The following PXDNL variants were observed in gnomAD, a reference collection of about 807,000 sequenced individuals.
The protein encoded by PXDNL is peroxidasin like, also known as probable oxidoreductase PXDNL.
In PXDNL, 145 loss-of-function variants were observed where a neutral mutation model predicts 150.8. The ratio of observed to expected loss-of-function variants is 0.96; its 90% confidence interval spans 0.84 to 1.10. The LOEUF (loss-of-function observed/expected upper bound fraction) is 1.10. PXDNL is among the 50% of genes least tolerant of loss of function. PXDNL has a pLI of 0.00. For missense variants in PXDNL, 2,087 were observed against 1,873.9 expected (o/e 1.11, Z -2.10); for synonymous variants, 757 against 725.7 (o/e 1.04, Z -0.69).
At chr8:51,634,361 C>T (rs1351621504) in intron 2 of PXDNL, among the ~76,000 whole-genome samples, 1 of 152,008 alleles carries the variant, frequency 6.6e-6, no homozygotes, top group Admixed American at 6.6e-5. Flanking sequence ...GAATCAGTAC[C>T]ATGCTGTTTT....
intron 14 of PXDNL, 137 bp from the exon 15 acceptor site, chr8:51,413,395 T>C: frequency 9.9e-6 from 6 of 604,712 alleles, no homozygotes; most frequent in Middle Eastern, 2.7e-4. Flanking sequence ...TGTTATACAA[T>C]ATCTACATGA....
chr8:51,800,996 G>T (rs2037613031), intron 1 of PXDNL, among the ~76,000 whole-genome samples: 1 of 152,182 alleles, frequency 6.6e-6, no homozygotes, highest in Non-Finnish European at 1.5e-5. Flanking sequence ...ACAACCAAAG[G>T]TCTGACTGCC....
rs1388087139 is a variant in PXDNL at position 51,447,127 on chromosome 8, G to A, written c.1402C>T (p.Leu468Phe). The A allele has an allele frequency of 6.2e-7, 1 of 1,613,834 alleles. No individual in the cohort carries two copies. Among genetic ancestry groups the A allele is most frequent in the Non-Finnish European group, 8.5e-7 (1 of 1,179,884 alleles). The change falls in exon 12 of 23, where the codon CTC becomes TTC. Residue 468 changes from leucine to phenylalanine, a missense_variant. Coordinates refer to ENST00000356297, the MANE Select transcript of PXDNL (RefSeq NM_144651.5). ...QLPVEGQHTV[L>F]SSGTLRIDRA... ...TCAATTCTCAAAGTGCCAGAGGAGA[G>A]AACTGTATGCTGGCCTTCCACAGGG...
chr8:51,515,046 A>G (rs866973118), intron 4 of PXDNL, among the ~76,000 whole-genome samples: 5 of 152,348 alleles, frequency 3.3e-5, no homozygotes, highest in African/African-American at 7.2e-5. Context: ...AGATGCAAAC[A>G]GCAGCGTGAA....
intron 19 of PXDNL, among the ~76,000 whole-genome samples, chr8:51,370,186 G>C (rs1472617660): frequency 6.6e-6 from 1 of 152,226 alleles, no homozygotes; most frequent in African/African-American, 2.4e-5. Flanking sequence ...TATGAGCTAG[G>C]TGTTTCCCTG....
chr8:51,689,793 GAGA>G (rs1815951216), intron 1 of PXDNL, among the ~76,000 whole-genome samples: 1 of 152,200 alleles, frequency 6.6e-6, no homozygotes, highest in Non-Finnish European at 1.5e-5. Context: ...TAGCCATTCT[GAGA>G]AGAATGACGT....
intron 12 of PXDNL, among the ~76,000 whole-genome samples, chr8:51,429,807 A>T (rs1809208014): frequency 6.6e-6 from 1 of 151,902 alleles, no homozygotes; most frequent in Non-Finnish European, 1.5e-5. Context: ...TTCTGAAAAA[A>T]ATTATAGTAA....
chr8:51,580,362 T>G (rs933813321), intron 3 of PXDNL, among the ~76,000 whole-genome samples: 1 of 152,174 alleles, frequency 6.6e-6, no homozygotes, highest in Non-Finnish European at 1.5e-5. Context: ...CATGTGAATT[T>G]ATAATTATCT....
At chr8:51,637,126 A>G (rs1343074933) in intron 2 of PXDNL, among the ~76,000 whole-genome samples, 2 of 152,212 alleles carry the variant, frequency 1.3e-5, no homozygotes, top group Non-Finnish European at 2.9e-5. Flanking sequence ...CCTGCAGCTG[A>G]GGGTCCTGAC....
intron 17 of PXDNL, among the ~76,000 whole-genome samples, chr8:51,387,176 T>G (rs576265132): frequency 6.6e-6 from 1 of 152,364 alleles, no homozygotes; most frequent in South Asian, 2.1e-4. Context: ...CCACCCACTC[T>G]TACAATTCTC....
At chr8:51,711,316 T>C (rs12678094) in intron 1 of PXDNL, among the ~76,000 whole-genome samples, 1 of 152,018 alleles carries the variant, frequency 6.6e-6, no homozygotes, top group African/African-American at 2.4e-5. Flanking sequence ...TTTTGTATTT[T>C]CAGTAGAGAT....
At chr8:51,357,385 A>C (rs1806543057) in intron 19 of PXDNL, among the ~76,000 whole-genome samples, 1 of 152,192 alleles carries the variant, frequency 6.6e-6, no homozygotes, top group Admixed American at 6.5e-5. Flanking sequence ...TTCCTGTGCA[A>C]ATCACAGCAT....
At chr8:51,448,729 A>AAAC (rs1196976816) in intron 11 of PXDNL, among the ~76,000 whole-genome samples, 5 of 142,940 alleles carry the variant, frequency 3.5e-5, no homozygotes, top group South Asian at 4.6e-4. Context: ...ACAAACAAAC[A>AAAC]AAACAACTGT....
At chr8:51,405,325 G>A (rs1406799781) in intron 17 of PXDNL, among the ~76,000 whole-genome samples, 2 of 152,196 alleles carry the variant, frequency 1.3e-5, no homozygotes, top group Admixed American at 1.3e-4. Context: ...AGGGCTGCCA[G>A]CATGCCGTCA....
At chr8:51,405,909 C>CA (rs1034297495) in intron 17 of PXDNL, among the ~76,000 whole-genome samples, 2 of 152,172 alleles carry the variant, frequency 1.3e-5, no homozygotes, top group African/African-American at 4.8e-5. Context: ...GATAATGACT[C>CA]AATGTTTAGG....
chr8:51,695,181 T>A (rs537365408), intron 1 of PXDNL, among the ~76,000 whole-genome samples: 1 of 152,344 alleles, frequency 6.6e-6, no homozygotes, highest in African/African-American at 2.4e-5. Context: ...TTTTATTTAA[T>A]CATAGTTCCC....
chr8:51,650,469 A>G (rs12677123), intron 2 of PXDNL, among the ~76,000 whole-genome samples: 82,554 of 152,028 alleles, frequency 0.54, 27,434 homozygotes, highest in Non-Finnish European at 0.72. Flanking sequence ...GTTTTGTAGG[A>G]TAATGAGGAA....
chr8:51,606,966 C>T (rs992096233), intron 2 of PXDNL, among the ~76,000 whole-genome samples: 8 of 152,142 alleles, frequency 5.3e-5, no homozygotes, highest in Non-Finnish European at 8.8e-5. Context: ...CAAAATCTTT[C>T]CTCTCTAAAA....
At chr8:51,769,422 T>A (rs2037268792) in intron 1 of PXDNL, among the ~76,000 whole-genome samples, 1 of 152,234 alleles carries the variant, frequency 6.6e-6, no homozygotes, top group African/African-American at 2.4e-5. Context: ...CTACTCTTAC[T>A]CCAACTCATG....
Sources: gnomAD v4.1 joint callset for allele counts (sites outside exome capture counted in the v4.1 genomes callset) on GRCh38, gnomAD v4.1.1 for gene constraint, MANE v1.5 for transcripts, NCBI Gene and HGNC (gene_info 2026-07-23, HGNC 2026-07-21) for gene names.